Variants in CARMIL1 observed in about 807,000 individuals in gnomAD.
CARMIL1 encodes F-actin-uncapping protein LRRC16A.
CARMIL1 carries 90 observed loss-of-function variants against 177.1 expected under a neutral mutation model. That is an observed-to-expected ratio of 0.51 (90% CI 0.43 to 0.61). CARMIL1 has a LOEUF of 0.61. CARMIL1 is among the 20% of genes least tolerant of loss of function. The pLI is 0.00. For synonymous variants in CARMIL1, 577 were observed against 606.2 expected (o/e 0.95, Z 0.71); for missense variants, 1,380 against 1,667.0 (o/e 0.83, Z 3.00).
chr6:25,320,851 T>C (rs2150237623), intron 2 of CARMIL1, among the ~76,000 whole-genome samples: 1 of 152,350 alleles, frequency 6.6e-6, no homozygotes, highest in Non-Finnish European at 1.5e-5. Flanking sequence ...AAGAATTATC[T>C]TGGGCTACAC....
At chr6:25,384,076 C>A (rs919216844) in intron 2 of CARMIL1, among the ~76,000 whole-genome samples, 1 of 152,084 alleles carries the variant, frequency 6.6e-6, no homozygotes, top group Non-Finnish European at 1.5e-5. Flanking sequence ...TGACCTCAAG[C>A]GCTCCGCCCA....
chr6:25,551,878 T>C (rs1262904902), intron 27 of CARMIL1, among the ~76,000 whole-genome samples: 1 of 152,094 alleles, frequency 6.6e-6, no homozygotes, highest in Non-Finnish European at 1.5e-5. Flanking sequence ...TAACACACAA[T>C]GATACAGCTA....
At chr6:25,586,421 A>G (rs1813697863) in intron 31 of CARMIL1, among the ~76,000 whole-genome samples, 1 of 147,476 alleles carries the variant, frequency 6.8e-6, no homozygotes, top group Admixed American at 6.7e-5. Flanking sequence ...GACGCTCCTC[A>G]CTTCCCAGAC....
intron 2 of CARMIL1, among the ~76,000 whole-genome samples, chr6:25,304,580 G>A (rs1474829129): frequency 1.3e-5 from 2 of 152,170 alleles, no homozygotes; most frequent in Non-Finnish European, 2.9e-5. Flanking sequence ...TGCCTTGGCT[G>A]ATCTGACAGG....
chr6:25,487,916 T>C (rs1398692043), intron 12 of CARMIL1, among the ~76,000 whole-genome samples: 1 of 152,242 alleles, frequency 6.6e-6, no homozygotes, highest in East Asian at 1.9e-4. Flanking sequence ...TATAGAGTGC[T>C]AATTATACAT....
At chr6:25,435,440 G>A in intron 4 of CARMIL1, 43 bp from the exon 5 acceptor site, 2 of 1,541,906 alleles carry the variant, frequency 1.3e-6, no homozygotes, top group Non-Finnish European at 1.8e-6. Flanking sequence ...AAAACGGAAG[G>A]AATTGGACTC....
At position 25,515,994 on chromosome 6, in the gene CARMIL1, T is replaced by A; in HGVS notation, c.1805+147T>A. 1 of 785,242 alleles carries A rather than the reference T, an allele frequency of 1.3e-6. No homozygotes were observed. Among genetic ancestry groups the A allele is most frequent in the Non-Finnish European group, 2.0e-6 (1 of 510,990 alleles). The allele number at this position is 785,242 out of a possible 1,614,324, so 48.6% of individuals were successfully genotyped here. A position where few individuals can be genotyped will look rare whatever the true frequency, so the allele number is the denominator to read the frequency against. On this transcript the variant is annotated intron_variant, in intron 21 of 36. Transcript: ENST00000329474. This position sits in a 1 kb window ranked among gnomAD's most constrained non-coding sequence, Gnocchi z 5.0. ...AGAGGTGACAATGTCAAGATTTCTG[T>A]CAGAATAATGAGGAGGCTGTTCCCA...
At chr6:25,592,421 CAA>C (rs1164555640) in intron 31 of CARMIL1, among the ~76,000 whole-genome samples, 1 of 152,176 alleles carries the variant, frequency 6.6e-6, no homozygotes, top group Non-Finnish European at 1.5e-5. Flanking sequence ...CTTTTGTAAT[CAA>C]AGTTTTTCAG....
At chr6:25,484,526 A>G (rs192817522) in intron 12 of CARMIL1, among the ~76,000 whole-genome samples, 3 of 152,366 alleles carry the variant, frequency 2.0e-5, no homozygotes, top group African/African-American at 7.2e-5. Context: ...GAAGCCATCT[A>G]CAGATCTTAC....
Position 25,492,031 on chromosome 6 carries a change from AT to A in CARMIL1, c.1220+10del. The A allele has an allele frequency of 6.2e-7, 1 of 1,609,746 alleles. No homozygotes were observed. Among genetic ancestry groups the A allele is most frequent in the Non-Finnish European group, 8.5e-7 (1 of 1,177,138 alleles). ...GAACTGTCTTCTCTCACCGGTATAG[AT>A]TTATTTCTGCTCTCATTGTCATCTG... On this transcript the variant is annotated splice_region_variant and intron_variant, in intron 15 of 36. Transcript: ENST00000329474.
At chr6:25,328,838 GA>G (rs982225572) in intron 2 of CARMIL1, among the ~76,000 whole-genome samples, 74 of 82,760 alleles carry the variant, frequency 8.9e-4, no homozygotes, top group African/African-American at 4.5e-3. Context: ...AATGCAATGA[GA>G]GGGGAAAAAA....
intron 22 of CARMIL1, among the ~76,000 whole-genome samples, chr6:25,518,850 A>G (rs918300972): frequency 6.6e-6 from 1 of 152,238 alleles, no homozygotes; most frequent in African/African-American, 2.4e-5. Flanking sequence ...CTGTAACATG[A>G]TAGAAATTGG....
rs538798825 is a variant in CARMIL1 at position 25,524,509 on chromosome 6, T to C, written c.1968+4172T>C. On this transcript the variant is annotated intron_variant, in intron 23 of 36. Transcript: ENST00000329474. The stretch of plus-strand genomic sequence containing the variant: ...GCCCAGCTCTTAGCCAGTTAACATA[T>C]AAAACCTCACACTAAAAGGCTGATT... Among the ~76,000 whole-genome samples, 30 of 152,276 alleles carry C rather than the reference T, an allele frequency of 2.0e-4. No homozygotes were observed. The East Asian group carries it at 5.8e-3, about 29-fold the overall frequency.
At chr6:25,390,468 C>T (rs919101771) in intron 2 of CARMIL1, among the ~76,000 whole-genome samples, 10 of 150,864 alleles carry the variant, frequency 6.6e-5, no homozygotes, top group African/African-American at 2.4e-4. Flanking sequence ...ACTACAGGCA[C>T]ATGCCAACAA....
At chr6:25,335,848 G>A (rs1340024256) in intron 2 of CARMIL1, among the ~76,000 whole-genome samples, 3 of 152,194 alleles carry the variant, frequency 2.0e-5, no homozygotes, top group Non-Finnish European at 4.4e-5. Flanking sequence ...ATCCTTTGTA[G>A]GCAATGAAAC....
intron 2 of CARMIL1, among the ~76,000 whole-genome samples, chr6:25,413,144 C>G (rs1164113877): frequency 8.2e-6 from 1 of 121,962 alleles, no homozygotes; most frequent in Non-Finnish European, 2.0e-5. Context: ...GCCCTTCTCC[C>G]TCACCTAGGT....
chr6:25,433,033 C>CT (rs769809340), intron 4 of CARMIL1: 8 of 152,246 alleles, frequency 5.3e-5, no homozygotes, highest in Admixed American at 3.3e-4. Context: ...ATAGGAAGCT[C>CT]TTTTTTTCTT....
rs570657994 is a variant in CARMIL1 at position 25,472,537 on chromosome 6, CATT to C, written c.874+19_874+21del. 6,681 of 1,538,042 alleles carry C rather than the reference CATT, an allele frequency of 4.3e-3. 26 individuals are homozygous for C. The highest frequency in any genetic ancestry group is 4.7e-3 in the Non-Finnish European group (5,269 of 1,131,124). On this transcript the variant is annotated intron_variant, in intron 11 of 36. Coordinates refer to ENST00000329474, the MANE Select transcript of CARMIL1 (RefSeq NM_017640.6). ...GAGGATAGAGGTACTGCAGAGTTCT[CATT>C]ATCATTGATGCCAGAATTGTAAGAG...
chr6:25,598,910 T>C (rs28391747), intron 32 of CARMIL1, among the ~76,000 whole-genome samples: 4,003 of 152,258 alleles, frequency 0.026, 71 homozygotes, highest in South Asian at 0.097. Context: ...TTTGATCTCC[T>C]GCCTGGCAGG....
Sources: allele counts gnomAD v4.1 joint callset (sites outside exome capture counted in the v4.1 genomes callset), GRCh38; gene constraint gnomAD v4.1.1; non-coding constraint Gnocchi (gnomAD v3.1); transcripts MANE v1.5; gene names NCBI Gene and HGNC (gene_info 2026-07-23, HGNC 2026-07-21).